PARD3: variants seen among roughly 807,000 people sequenced by gnomAD.
The protein encoded by PARD3 is par-3 family cell polarity regulator.
A neutral mutation model predicts 155.4 loss-of-function variants in PARD3; 75 were observed. The ratio of observed to expected loss-of-function variants is 0.48; its 90% CI spans 0.40 to 0.58. The LOEUF is 0.58. Among genes scored for constraint, PARD3 ranks in the 20% least tolerant of loss-of-function variants. PARD3 has a pLI of 0.00. For missense variants in PARD3, 1,642 were observed against 1,721.7 expected (o/e 0.95, Z 0.82); for synonymous variants, 576 against 610.5 (o/e 0.94, Z 0.83).
In PARD3 at chr10:34,347,971, T is replaced by C. The variant is rs752053157; in HGVS notation, c.2212A>G (p.Ile738Val). The C allele has an allele frequency of 6.2e-7, 1 of 1,611,696 alleles. No homozygotes were observed. Among genetic ancestry groups the C allele is most frequent in the Non-Finnish European group, 8.5e-7 (1 of 1,178,946 alleles). Reference sequence around the variant, plus strand: ...AGAGTTTTACCTGACTCACCCATTATCCTACTGAGGGCAGCATTTCTGCTG... The same window carrying C: ...AGAGTTTTACCTGACTCACCCATTACCCTACTGAGGGCAGCATTTCTGCTG... Reference protein sequence around the residue: ...SPSRNAALSRIMGKYQLSPTV... With the variant: ...SPSRNAALSRVMGKYQLSPTV... Residue 738 changes from isoleucine to valine, a missense_variant, in exon 15 of 25, where the codon ATA becomes GTA. Around this residue, in one of 3 missense-constraint regions of PARD3, gnomAD observed 1,529 missense variants for 1,587.3 expected, o/e 0.96. Transcript: ENST00000374788.
chr10:34,304,338 T>TAA (rs138887087), intron 20 of PARD3, among the ~76,000 whole-genome samples: 12 of 135,784 alleles, frequency 8.8e-5, no homozygotes, highest in Non-Finnish European at 1.1e-4. Context: ...TCTACAAAAT[T>TAA]AAAAAAAAAA....
intron 4 of PARD3, among the ~76,000 whole-genome samples, chr10:34,457,437 G>A (rs567328862): frequency 6.6e-6 from 1 of 152,286 alleles, no homozygotes; most frequent in African/African-American, 2.4e-5. Context: ...GCATTTTAAA[G>A]CTGGAAGGAA....
intron 2 of PARD3, among the ~76,000 whole-genome samples, chr10:34,534,372 C>T (rs593034): frequency 0.48 from 73,148 of 151,818 alleles, 18,407 homozygotes; most frequent in African/African-American, 0.64. Flanking sequence ...CTCCAAAGGA[C>T]GGGCGTGCCT....
intron 1 of PARD3, among the ~76,000 whole-genome samples, chr10:34,719,102 G>A (rs1209912158): frequency 2.6e-5 from 4 of 152,248 alleles, no homozygotes; most frequent in South Asian, 2.1e-4. Context: ...ATACTGATAC[G>A]TTGAATTGAG....
intron 7 of PARD3, among the ~76,000 whole-genome samples, chr10:34,390,797 G>C (rs1842804385): frequency 6.6e-6 from 1 of 152,258 alleles, no homozygotes; most frequent in Admixed American, 6.5e-5. Flanking sequence ...ATGAACAAAA[G>C]GGTATAACAA....
chr10:34,642,999 T>C (rs919193857), intron 2 of PARD3, among the ~76,000 whole-genome samples: 2 of 152,194 alleles, frequency 1.3e-5, no homozygotes, highest in African/African-American at 4.8e-5. Context: ...GAAAGTGGAC[T>C]TGGCCTAAGA....
chr10:34,127,433 A>C (rs1197314412), intron 23 of PARD3, among the ~76,000 whole-genome samples: 1 of 152,190 alleles, frequency 6.6e-6, no homozygotes, highest in African/African-American at 2.4e-5. Flanking sequence ...CACCCCATGC[A>C]CACCCCTAGC....
chr10:34,294,379 A>AC (rs1327687437), intron 20 of PARD3, among the ~76,000 whole-genome samples: 1 of 152,254 alleles, frequency 6.6e-6, no homozygotes, highest in Admixed American at 6.5e-5. Context: ...GACGAAAGTC[A>AC]CAAAGACAGA....
intron 22 of PARD3, among the ~76,000 whole-genome samples, chr10:34,226,597 T>C (rs1173879876): frequency 6.6e-6 from 1 of 152,208 alleles, no homozygotes; most frequent in Non-Finnish European, 1.5e-5. Flanking sequence ...GATGTGACTA[T>C]ATTAGAACTC....
At chr10:34,798,776 C>T (rs533998169) in intron 1 of PARD3, among the ~76,000 whole-genome samples, 1 of 151,732 alleles carries the variant, frequency 6.6e-6, no homozygotes, top group Non-Finnish European at 1.5e-5. Flanking sequence ...TTTGAGCATG[C>T]TGGCTGATCA....
chr10:34,152,369 G>T (rs1148243), intron 22 of PARD3, among the ~76,000 whole-genome samples: 42,433 of 152,134 alleles, frequency 0.28, 6,344 homozygotes, highest in Non-Finnish European at 0.32. Context: ...AGGCTGTATG[G>T]TGTAGCCTAT....
intron 15 of PARD3, chr10:34,343,380 G>A (rs1191454818): frequency 4.1e-6 from 4 of 982,638 alleles, no homozygotes; most frequent in African/African-American, 3.5e-5. Flanking sequence ...ACTGAAAGGG[G>A]CATATGATTT....
At chr10:34,333,548 C>T (rs540292805) in intron 18 of PARD3, among the ~76,000 whole-genome samples, 2 of 152,120 alleles carry the variant, frequency 1.3e-5, no homozygotes, top group South Asian at 4.2e-4. Context: ...GAACTACTCT[C>T]TGTATATTTA....
intron 3 of PARD3, among the ~76,000 whole-genome samples, chr10:34,499,823 G>C (rs1432335451): frequency 6.6e-6 from 1 of 152,178 alleles, no homozygotes; most frequent in Non-Finnish European, 1.5e-5. Flanking sequence ...ATTGGTCCCA[G>C]ATGCCTGAGA....
chr10:34,131,390 G>A, intron 23 of PARD3, 73 bp downstream of exon 23: 1 of 1,551,010 alleles, frequency 6.4e-7, no homozygotes, highest in Non-Finnish European at 8.9e-7. Flanking sequence ...AGAGCATTGA[G>A]GTCATAGCTT....
chr10:34,636,721 G>C (rs961218863), intron 2 of PARD3, among the ~76,000 whole-genome samples: 2 of 152,208 alleles, frequency 1.3e-5, no homozygotes, highest in African/African-American at 4.8e-5. Context: ...GCGCTCTAGG[G>C]GAGGATTCAT....
At chr10:34,548,571 AT>A (rs1340210630) in intron 2 of PARD3, among the ~76,000 whole-genome samples, 4 of 149,528 alleles carry the variant, frequency 2.7e-5, no homozygotes, top group Non-Finnish European at 4.5e-5. Flanking sequence ...AGAAAAAAAA[AT>A]AAAATAGCAT....
chr10:34,166,606 G>T (rs937233971), intron 22 of PARD3, among the ~76,000 whole-genome samples: 2 of 151,276 alleles, frequency 1.3e-5, no homozygotes, highest in Admixed American at 1.3e-4. Flanking sequence ...TCCAGCCTGG[G>T]TAACAGAGTA....
intron 1 of PARD3, among the ~76,000 whole-genome samples, chr10:34,802,563 A>G (rs1451349436): frequency 6.6e-6 from 1 of 152,208 alleles, no homozygotes; most frequent in Admixed American, 6.5e-5. Context: ...TATGTGTCAA[A>G]GCTTTGGTCT....
Sources: allele counts gnomAD v4.1 joint callset (sites outside exome capture counted in the v4.1 genomes callset), GRCh38; gene constraint gnomAD v4.1.1; regional missense constraint gnomAD v4.1.1; transcripts MANE v1.5; gene names NCBI Gene and HGNC (gene_info 2026-07-23, HGNC 2026-07-21).